The following SAMMSON variants were observed in gnomAD, a reference collection of about 807,000 sequenced individuals.
SAMMSON encodes survival associated mitochondrial melanoma specific oncogenic non-coding RNA.
chr3:70,019,243 T>G (rs2067000121), intron 3 of SAMMSON, among the ~76,000 whole-genome samples: 1 of 152,222 alleles, frequency 6.6e-6, no homozygotes. Flanking sequence ...CTCTAAGGAC[T>G]TGCTTTATGA....
At chr3:70,329,575 T>G (rs2106721738) in intron 7 of SAMMSON, among the ~76,000 whole-genome samples, 1 of 152,130 alleles carries the variant, frequency 6.6e-6, no homozygotes, top group East Asian at 1.9e-4. Context: ...ACACAGAAAT[T>G]TTTCTGTTTT....
intron 9 of SAMMSON, among the ~76,000 whole-genome samples, chr3:70,368,968 G>A (rs1365539046): frequency 6.6e-6 from 1 of 151,578 alleles, no homozygotes; most frequent in Non-Finnish European, 1.5e-5. Flanking sequence ...TTAACATTGA[G>A]TCTTCCAATC....
At chr3:70,214,566 A>G (rs925175773) in intron 4 of SAMMSON, among the ~76,000 whole-genome samples, 5 of 151,222 alleles carry the variant, frequency 3.3e-5, no homozygotes, top group African/African-American at 1.2e-4. Context: ...AGCTTCCCCA[A>G]CACCTGCAAA....
chr3:70,373,951 G>T (rs894031376), intron 9 of SAMMSON, among the ~76,000 whole-genome samples: 10 of 152,108 alleles, frequency 6.6e-5, no homozygotes, highest in African/African-American at 2.4e-4. Context: ...CTTTGCTCTT[G>T]TTGCCTAGGC....
intron 7 of SAMMSON, among the ~76,000 whole-genome samples, chr3:70,301,203 C>T (rs1256017903): frequency 1.3e-5 from 2 of 152,010 alleles, no homozygotes; most frequent in African/African-American, 2.4e-5. Flanking sequence ...TTTCAAGTGA[C>T]TCTTTAGCAT....
At chr3:70,426,802 A>T (rs1701373405) in intron 2 of SAMMSON, among the ~76,000 whole-genome samples, 1 of 152,222 alleles carries the variant, frequency 6.6e-6, no homozygotes, top group Non-Finnish European at 1.5e-5. Context: ...ATTCAACTAT[A>T]GAAAGGATGA....
At chr3:70,040,387 G>A (rs1464279161) in intron 3 of SAMMSON, among the ~76,000 whole-genome samples, 1 of 152,140 alleles carries the variant, frequency 6.6e-6, no homozygotes, top group Non-Finnish European at 1.5e-5. Context: ...GTTAAGACAT[G>A]TGCCCAGGGT....
chr3:70,184,484 T>C (rs990217421), intron 4 of SAMMSON, among the ~76,000 whole-genome samples: 2 of 152,226 alleles, frequency 1.3e-5, no homozygotes, highest in African/African-American at 4.8e-5. Flanking sequence ...TTTCACCCGA[T>C]TTTGGATCAT....
chr3:70,094,092 A>T (rs2067314726), intron 4 of SAMMSON, among the ~76,000 whole-genome samples: 1 of 152,174 alleles, frequency 6.6e-6, no homozygotes, highest in African/African-American at 2.4e-5. Flanking sequence ...ATTATATAAA[A>T]TTCAGATTGT....
chr3:70,171,501 A>AT (rs1391670714), intron 4 of SAMMSON, among the ~76,000 whole-genome samples: 2 of 151,930 alleles, frequency 1.3e-5, no homozygotes, highest in African/African-American at 2.4e-5. Context: ...ATAAAAATAC[A>AT]TTTTCAAAAT....
intron 4 of SAMMSON, among the ~76,000 whole-genome samples, chr3:70,091,740 TAGGAC>T (rs1471716668): frequency 3.3e-5 from 5 of 152,272 alleles, no homozygotes; most frequent in South Asian, 4.1e-4. Context: ...TAGAGACTCA[TAGGAC>T]AGGCACACAA....
intron 3 of SAMMSON, among the ~76,000 whole-genome samples, chr3:70,058,079 A>G (rs1433272281): frequency 1.3e-5 from 2 of 152,088 alleles, no homozygotes; most frequent in Non-Finnish European, 2.9e-5. Flanking sequence ...TTTTGAGAAG[A>G]ACGCCATCTA....
chr3:70,334,319 T>G lies in SAMMSON; in HGVS notation n.740-19856T>G, dbSNP rs532456236. Reference sequence around the variant, plus strand: ...ATTTAAAATATGGATTTATTTCCACTATTATTAATTGTGACACTATCCCTT... The same window carrying G: ...ATTTAAAATATGGATTTATTTCCACGATTATTAATTGTGACACTATCCCTT... On this transcript the variant is annotated intron_variant and non_coding_transcript_variant, in intron 7 of 9. Transcript: ENST00000642114. 4.6e-5 allele frequency among the ~76,000 whole-genome samples: 7 copies of G among 152,192 alleles called. No individual in the cohort carries two copies. The East Asian group carries it at 1.4e-3, about 29-fold the overall frequency.
intron 7 of SAMMSON, among the ~76,000 whole-genome samples, chr3:70,305,337 C>T (rs1324852127): frequency 6.6e-6 from 1 of 152,038 alleles, no homozygotes; most frequent in Non-Finnish European, 1.5e-5. Context: ...ATGAAAACTA[C>T]AGAAATAAGA....
intron 4 of SAMMSON, among the ~76,000 whole-genome samples, chr3:70,140,993 G>A (rs995901125): frequency 1.8e-4 from 28 of 151,980 alleles, no homozygotes; most frequent in African/African-American, 6.8e-4. Flanking sequence ...GCCCTTCGTG[G>A]GACATTCATG....
intron 4 of SAMMSON, among the ~76,000 whole-genome samples, chr3:70,161,714 T>TTA (rs1699563632): frequency 6.6e-6 from 1 of 151,916 alleles, no homozygotes; most frequent in South Asian, 2.1e-4. Context: ...TCTTCCTCTT[T>TTA]TATTTTCAGG....
At chr3:70,430,367 GC>G (rs749366274) in intron 2 of SAMMSON, among the ~76,000 whole-genome samples, 1 of 152,104 alleles carries the variant, frequency 6.6e-6, no homozygotes, top group East Asian at 1.9e-4. Context: ...GATTCGGTAT[GC>G]CACTATCATC....
At chr3:70,275,538 C>A (rs1285192442) in intron 6 of SAMMSON, among the ~76,000 whole-genome samples, 1 of 151,878 alleles carries the variant, frequency 6.6e-6, no homozygotes, top group African/African-American at 2.4e-5. Flanking sequence ...CAAAACAAAT[C>A]AAATCAAAAA....
At chr3:70,222,003 A>G (rs748284780) in intron 4 of SAMMSON, among the ~76,000 whole-genome samples, 1 of 152,144 alleles carries the variant, frequency 6.6e-6, no homozygotes, top group Non-Finnish European at 1.5e-5. Context: ...GAAAAATGTC[A>G]AGTGTTCCAT....
Sources: gnomAD v4.1 joint callset for allele counts (sites outside exome capture counted in the v4.1 genomes callset) on GRCh38, gnomAD v4.1.1 for gene constraint, MANE v1.5 for transcripts, NCBI Gene and HGNC (gene_info 2026-07-23, HGNC 2026-07-21) for gene names.